Variants in NEB observed in about 807,000 individuals in gnomAD.
NEB encodes nebulin, also known as nemaline myopathy type 2.
In NEB, 512 loss-of-function variants were observed where a neutral mutation model predicts 952.2. That is an observed-to-expected ratio of 0.54 (90% CI 0.50 to 0.58). The LOEUF (loss-of-function observed/expected upper bound fraction) is 0.58. NEB is among the 20% of genes least tolerant of loss of function. NEB has a pLI of 0.00. For missense variants in NEB, 8,428 were observed against 9,231.1 expected, an observed-to-expected ratio of 0.91 and a Z score of 3.56; for synonymous variants, 2,900 against 3,149.8, an observed-to-expected ratio of 0.92 and a Z score of 2.66.
intron 126 of NEB, 26 bp downstream of exon 126, chr2:151,553,802 G>T: frequency 6.3e-7 from 1 of 1,586,416 alleles, no homozygotes; most frequent in Non-Finnish European, 8.6e-7. Flanking sequence ...GGCCGTGGAG[G>T]GGTACTTCTT....
chr2:151,497,506 T>TAAAG (rs2061023466), intron 171 of NEB, 120 bp downstream of exon 171: 27 of 1,493,830 alleles, frequency 1.8e-5, no homozygotes, highest in Non-Finnish European at 2.3e-5. Context: ...ATAAATTTGC[T>TAAAG]AAAGAAATTC....
Position 151,687,552 on chromosome 2 carries a change from G to A in NEB, c.2524-20C>T. ...CATCACCTGCAAAGACATCACACAT[G>A]CCAGATCCCACTCACCAGGAAATGT... is the stretch of plus-strand genomic sequence containing the variant. On this transcript the variant is annotated intron_variant, in intron 26 of 181. Transcript: ENST00000397345. 6.2e-7 allele frequency: 1 copy of A among 1,612,198 alleles called. No homozygotes were observed.
At position 151,490,082 on chromosome 2, in the gene NEB, A is replaced by G; in HGVS notation, c.25298-5T>C. ...TGGTTTTTGCATGTTTGTAAGCTGAAAAAAAGGGGGCAAATTCTTTATAAG... is the reference window on the plus strand; with the variant it reads ...TGGTTTTTGCATGTTTGTAAGCTGAGAAAAAGGGGGCAAATTCTTTATAAG... On this transcript the variant is annotated splice_region_variant and splice_polypyrimidine_tract_variant and intron_variant, in intron 180 of 181. Coordinates refer to ENST00000397345, the MANE Select transcript of NEB (RefSeq NM_001164508.2). 1 of 1,596,052 alleles carries G rather than the reference A, an allele frequency of 6.3e-7. No homozygotes were observed.
chr2:151,525,934 A>G, intron 150 of NEB, 24 bp downstream of exon 150: 1 of 1,581,534 alleles, frequency 6.3e-7, no homozygotes, highest in Non-Finnish European at 8.7e-7. Flanking sequence ...GTTGCTGCCA[A>G]GAGACCGGTG....
intron 145 of NEB, among the ~76,000 whole-genome samples, chr2:151,529,760 C>T (rs2089480193): frequency 6.6e-6 from 1 of 152,134 alleles, no homozygotes; most frequent in South Asian, 2.1e-4. Flanking sequence ...AACTCGTGAC[C>T]TCAGGTGATC....
At chr2:151,691,807 A>G in intron 23 of NEB, 57 bp downstream of exon 23, 1 of 1,197,798 alleles carries the variant, frequency 8.3e-7, no homozygotes, top group Non-Finnish European at 1.2e-6. Flanking sequence ...TAAATTTACC[A>G]CTAGATGTCA....
At position 151,709,762 on chromosome 2, in the gene NEB, C is replaced by T. The variant is rs1278831694; in HGVS notation, c.929G>A (p.Arg310Lys). ...GTTTTCAAAATCTTCCTGGTATTTCCTCTGTAAGACATCAGACAAGCTGAA... is the reference window on the plus strand; with the variant it reads ...GTTTTCAAAATCTTCCTGGTATTTCTTCTGTAAGACATCAGACAAGCTGAA... ...ARMNADNIST[R>K]KYQEDFENMK... The change falls in exon 12 of 182, where the codon AGG becomes AAG. Residue 310 changes from arginine (R) to lysine (K), a missense_variant and splice_region_variant. Transcript: ENST00000397345. The T allele has an allele frequency of 6.3e-7, 1 of 1,584,762 alleles. No homozygotes were observed. Among genetic ancestry groups the T allele is most frequent in the South Asian group, 1.1e-5 (1 of 87,276 alleles).
At position 151,518,593 on chromosome 2, in the gene NEB, G is replaced by T. The variant is rs562484158; in HGVS notation, c.22696-171C>A. 2.0e-5 allele frequency among the ~76,000 whole-genome samples: 3 copies of T among 152,316 alleles called. No homozygotes were observed. The South Asian group carries it at 6.2e-4, about 32-fold the overall frequency. Reference sequence around the variant, plus strand: ...TTTTAAAAATGAGGATCCAAGTTCAGTATTGTCCGTTAAGATGTAAACACT... The same window carrying T: ...TTTTAAAAATGAGGATCCAAGTTCATTATTGTCCGTTAAGATGTAAACACT... On this transcript the variant is annotated intron_variant, in intron 155 of 181. Transcript: ENST00000397345.
At position 151,666,254 on chromosome 2, in the gene NEB, T is replaced by C. The variant is rs1332930308; in HGVS notation, c.4867A>G (p.Thr1623Ala). The change falls in exon 41 of 182, where the codon ACC (threonine) becomes GCC (alanine). Residue 1623 changes from threonine (T) to alanine (A), a missense_variant. Coordinates refer to ENST00000397345, the MANE Select transcript of NEB (RefSeq NM_001164508.2). ...ATATCCAGAGGTGTGTGGTACTTGGTCTTGCTGGCTTCATAGCCCTTTTTG... is the reference window on the plus strand; with the variant it reads ...ATATCCAGAGGTGTGTGGTACTTGGCCTTGCTGGCTTCATAGCCCTTTTTG... ...EYKKGYEASKTKYHTPLDMVS... is the reference protein window; with the variant it reads ...EYKKGYEASKAKYHTPLDMVS... The C allele has an allele frequency of 1.2e-6, 2 of 1,613,866 alleles. No homozygotes were observed. The highest frequency in any genetic ancestry group is 2.7e-5 in the African/African-American group (2 of 74,912).
chr2:151,595,174 C>T (rs1261250040), intron 92 of NEB, among the ~76,000 whole-genome samples: 3 of 141,110 alleles, frequency 2.1e-5, no homozygotes, highest in Non-Finnish European at 4.5e-5. Flanking sequence ...GAGAAGAACG[C>T]AGAGAAAGGG....
At position 151,610,560 on chromosome 2, in the gene NEB, T is replaced by C. The variant is rs1465332264; in HGVS notation, c.11974A>G (p.Ile3992Val). The C allele has an allele frequency of 3.7e-6, 6 of 1,613,704 alleles. No homozygotes were observed. The African/African-American group carries it at 4.0e-5, about 11-fold the overall frequency. ...MKDYDLRADA[I>V]SIKSAKASRD... ...GAGGCCTTGGCACTTTTGATGGAAA[T>C]AGCATCTGCTCTCAGATCATAGTCC... Residue 3992 changes from isoleucine (I) to valine (V), a missense_variant, in exon 80 of 182, where the codon ATT (isoleucine) becomes GTT (valine). Ile to Val is a conservative substitution (Grantham distance 29). Around this residue, in one of 11 missense-constraint regions of NEB, gnomAD observed 337 missense variants for 297.5 expected, o/e 1.13. Coordinates refer to ENST00000397345, the MANE Select transcript of NEB (RefSeq NM_001164508.2).
In NEB at chr2:151,633,914, G is replaced by A. The variant is rs375216659; in HGVS notation, c.9154C>T (p.Arg3052Trp). 3.0e-5 allele frequency: 48 copies of A among 1,613,768 alleles called. No individual in the cohort carries two copies. Among genetic ancestry groups the A allele is most frequent in the African/African-American group, 6.7e-5 (5 of 74,878 alleles). The change falls in exon 65 of 182, where the codon CGG becomes TGG. Residue 3052 changes from arginine (R) to tryptophan (W), a missense_variant. Transcript: ENST00000397345. ...ATCTTGGGGTCATCTTCAATGTTCC[G>A]GGCTCCAATATGGTGGCCAAGTTGC... is the stretch of plus-strand genomic sequence containing the variant. ...CKQLGHHIGA[R>W]NIEDDPKMMW... is the part of the protein sequence containing the mutation.
At chr2:151,608,905 C>CAAAAAAAAAAAAAA (rs1163520121) in intron 81 of NEB, among the ~76,000 whole-genome samples, 3 of 34,432 alleles carry the variant, frequency 8.7e-5, no homozygotes, top group African/African-American at 3.8e-4. Context: ...CTCCGTCTCA[C>CAAAAAAAAAAAAAA]AAAAAAAAAA....
intron 71 of NEB, among the ~76,000 whole-genome samples, chr2:151,624,806 T>C (rs1376245038): frequency 6.6e-6 from 1 of 152,172 alleles, no homozygotes; most frequent in Non-Finnish European, 1.5e-5. Context: ...TTTTTGACTT[T>C]GGCAAGAACA....
chr2:151,635,469 G>C, intron 64 of NEB, among the ~76,000 whole-genome samples: 1 of 152,132 alleles, frequency 6.6e-6, no homozygotes, highest in East Asian at 1.9e-4. Context: ...CACTTTGGGA[G>C]CCTGAGGCAA....
In NEB at chr2:151,547,864, T is replaced by C. The variant is rs920525721; in HGVS notation, c.20158-126A>G. 10 of 675,964 alleles carry C rather than the reference T, an allele frequency of 1.5e-5. No homozygotes were observed. The African/African-American group carries it at 1.6e-4, about 11-fold the overall frequency. 41.9% of individuals were successfully genotyped at this position (675,964 alleles called of 1,614,324 possible). ...GAAATATCGAGGATATAGAAAATGA[T>C]TGAGATTAGGAAAAAAGGAGAAAAT... On this transcript the variant is annotated intron_variant, in intron 131 of 181. Transcript: ENST00000397345.
chr2:151,658,936 T>C (rs1311058495), intron 47 of NEB, 129 bp downstream of exon 47: 1 of 805,806 alleles, frequency 1.2e-6, no homozygotes, highest in African/African-American at 1.7e-5. Context: ...AGAAAGAGTC[T>C]CATGTGTGGA....
rs371771414 is a variant in NEB, at chr2:151,609,881, C to A, written c.12258G>T (p.Leu4086=). 6.2e-7 allele frequency: 1 copy of A among 1,612,724 alleles called. No individual in the cohort carries two copies. The highest frequency in any genetic ancestry group is 1.3e-5 in the African/African-American group (1 of 74,904). Residue 4086 remains leucine, a synonymous_variant, in exon 81 of 182, where the codon CTG becomes CTT. Transcript: ENST00000397345. The stretch of plus-strand genomic sequence containing the variant: ...GATCCGGCATGCATGTCCATTCATG[C>A]AGGTAATTGCGATAATCAATGTCAG... ...LVTDIDYRNY[L]HEWTCMPDQN...
intron 40 of NEB, 95 bp from the exon 41 acceptor site, chr2:151,666,496 T>C: frequency 8.1e-7 from 1 of 1,240,488 alleles, no homozygotes; most frequent in Non-Finnish European, 1.1e-6. Context: ...CCAACTTCAG[T>C]CTGAATCTAG....
Sources: gnomAD v4.1 joint callset for allele counts (sites outside exome capture counted in the v4.1 genomes callset) on GRCh38, gnomAD v4.1.1 for gene constraint, gnomAD v4.1.1 regional missense constraint, MANE v1.5 for transcripts, NCBI Gene and HGNC (gene_info 2026-07-23, HGNC 2026-07-21) for gene names.